Variants in LEPR observed in about 807,000 individuals in gnomAD.
The protein encoded by LEPR is OB receptor.
In LEPR, 56 loss-of-function variants were observed where a neutral mutation model predicts 114.7. That is an observed-to-expected ratio of 0.49 (90% CI 0.39 to 0.61). The LOEUF is 0.61. LEPR is among the 20% of genes least tolerant of loss of function. The pLI is 0.00. For synonymous variants in LEPR, 443 were observed against 461.4 expected, an observed-to-expected ratio of 0.96 and a Z score of 0.51; for missense variants, 1,202 against 1,352.9, an observed-to-expected ratio of 0.89 and a Z score of 1.75.
At chr1:65,421,109 G>A (rs568204028) in intron 1 of LEPR, among the ~76,000 whole-genome samples, 1 of 152,312 alleles carries the variant, frequency 6.6e-6, no homozygotes, top group African/African-American at 2.4e-5. Context: ...CCCCTCCGCA[G>A]TTTCCTATTT....
rs745548684 is a variant in LEPR, at chr1:65,636,570, C to A, written c.3053C>A (p.Ser1018Tyr). 1.9e-6 allele frequency: 3 copies of A among 1,614,066 alleles called. No individual in the cohort carries two copies. Among genetic ancestry groups the A allele is most frequent in the South Asian group, 2.2e-5 (2 of 91,076 alleles). ...SVTKCFSSKN[S>Y]PLKDSFSNSS... is the part of the protein sequence containing the mutation. Reference sequence around the variant, plus strand: ...ACCAAGTGCTTCTCTAGCAAAAATTCTCCGTTGAAGGATTCTTTCTCTAAT... The same window carrying A: ...ACCAAGTGCTTCTCTAGCAAAAATTATCCGTTGAAGGATTCTTTCTCTAAT... The change falls in exon 20 of 20, where the codon TCT becomes TAT. Residue 1018 changes from serine (S) to tyrosine (Y), a missense_variant. Physicochemically the swap from Ser to Tyr is moderately radical, Grantham distance 144. Coordinates refer to ENST00000349533, the MANE Select transcript of LEPR (RefSeq NM_002303.6).
chr1:65,564,842 A>G (rs1354650161), intron 2 of LEPR, among the ~76,000 whole-genome samples: 1 of 152,180 alleles, frequency 6.6e-6, no homozygotes, highest in Non-Finnish European at 1.5e-5. Flanking sequence ...CACATATATT[A>G]AAATTATACT....
At chr1:65,440,656 T>A (rs148644369) in intron 2 of LEPR, among the ~76,000 whole-genome samples, 202 of 152,210 alleles carry the variant, frequency 1.3e-3, no homozygotes, top group African/African-American at 4.6e-3. Context: ...AGCGTACCTG[T>A]GAGCTGGCAT....
At position 65,596,440 on chromosome 1, in the gene LEPR, T is replaced by G. The variant is rs183928195; in HGVS notation, c.704-8T>G. The G allele has an allele frequency of 6.2e-7, 1 of 1,612,350 alleles. No homozygotes were observed. The highest frequency in any genetic ancestry group is 1.7e-4 in the Middle Eastern group (1 of 6,038). ...TGACTTAAAAGTATTCTCTTTTTTTTCCTTAAGTGAAGCCTGATCCACCAT... is the reference window on the plus strand; with the variant it reads ...TGACTTAAAAGTATTCTCTTTTTTTGCCTTAAGTGAAGCCTGATCCACCAT... On this transcript the variant is annotated splice_region_variant and splice_polypyrimidine_tract_variant and intron_variant, in intron 6 of 19. Transcript: ENST00000349533.
chr1:65,424,674 A>C (rs1004633675), intron 1 of LEPR, among the ~76,000 whole-genome samples: 1 of 152,242 alleles, frequency 6.6e-6, no homozygotes, highest in African/African-American at 2.4e-5. Flanking sequence ...TGGGAAGTCC[A>C]AAATTGTGGT....
At chr1:65,421,792 A>G (rs1287280532) in intron 1 of LEPR, among the ~76,000 whole-genome samples, 1 of 152,240 alleles carries the variant, frequency 6.6e-6, no homozygotes, top group Non-Finnish European at 1.5e-5. Flanking sequence ...GTGTCTCAGT[A>G]CTACACATGA....
chr1:65,565,470 AT>A, intron 2 of LEPR, 75 bp from the exon 3 acceptor site: 1 of 1,418,268 alleles, frequency 7.1e-7, no homozygotes. Flanking sequence ...CTTTCCTTTT[AT>A]GTTTTCCACA....
chr1:65,604,446 G>A (rs1656670813), intron 10 of LEPR, among the ~76,000 whole-genome samples: 1 of 152,130 alleles, frequency 6.6e-6, no homozygotes, highest in Non-Finnish European at 1.5e-5. Flanking sequence ...CCCAGTTCAA[G>A]CGATTCTCCT....
At chr1:65,444,581 C>A (rs936327461) in intron 2 of LEPR, among the ~76,000 whole-genome samples, 1 of 35,116 alleles carries the variant, frequency 2.8e-5, no homozygotes, top group African/African-American at 1.3e-4. Flanking sequence ...AGGGTGGAGG[C>A]GGGCGGGGGG....
chr1:65,619,819 C>T (rs1657765823), intron 16 of LEPR, 109 bp from the exon 17 acceptor site: 1 of 899,258 alleles, frequency 1.1e-6, no homozygotes, highest in Non-Finnish European at 1.7e-6. Context: ...TAAGTAATTT[C>T]TATGTTTGGA....
At chr1:65,535,570 C>CA (rs1445753119) in intron 2 of LEPR, among the ~76,000 whole-genome samples, 1 of 151,868 alleles carries the variant, frequency 6.6e-6, no homozygotes, top group Non-Finnish European at 1.5e-5. Context: ...AGGGTGGTCT[C>CA]AAACTCCTGA....
chr1:65,567,234 A>T (rs1240889865), intron 3 of LEPR, among the ~76,000 whole-genome samples: 2 of 152,202 alleles, frequency 1.3e-5, no homozygotes, highest in South Asian at 4.1e-4. Flanking sequence ...CTGCATCAAT[A>T]GTTGCTATGT....
At chr1:65,545,737 T>G (rs917332354) in intron 2 of LEPR, among the ~76,000 whole-genome samples, 1 of 152,194 alleles carries the variant, frequency 6.6e-6, no homozygotes, top group South Asian at 2.1e-4. Flanking sequence ...TTTGTGAAAA[T>G]TTTCTCCCAT....
intron 14 of LEPR, among the ~76,000 whole-genome samples, chr1:65,611,868 A>G (rs1235536776): frequency 6.6e-6 from 1 of 152,174 alleles, no homozygotes; most frequent in East Asian, 1.9e-4. Context: ...ATTTTGATTA[A>G]TTTAAATTTA....
chr1:65,588,222 A>G (rs1286804520), intron 5 of LEPR, among the ~76,000 whole-genome samples: 2 of 152,030 alleles, frequency 1.3e-5, no homozygotes, highest in Non-Finnish European at 2.9e-5. Flanking sequence ...CTAGTAAGTA[A>G]GAAATAACAA....
At chr1:65,517,726 A>T (rs1649362995) in intron 2 of LEPR, among the ~76,000 whole-genome samples, 1 of 152,186 alleles carries the variant, frequency 6.6e-6, no homozygotes, top group Admixed American at 6.5e-5. Flanking sequence ...ATCAAATCCC[A>T]TCCTATGACA....
At chr1:65,475,617 T>C (rs1647149436) in intron 2 of LEPR, among the ~76,000 whole-genome samples, 3 of 152,146 alleles carry the variant, frequency 2.0e-5, no homozygotes, top group African/African-American at 7.2e-5. Context: ...TCAAAGGTGG[T>C]CTTTGGCTGC....
intron 7 of LEPR, 79 bp from the exon 8 acceptor site, chr1:65,598,581 T>G: frequency 6.3e-7 from 1 of 1,581,380 alleles, no homozygotes; most frequent in Non-Finnish European, 8.6e-7. Context: ...TGAAATTTGA[T>G]GAGATTAGCT....
rs1658796771 is a variant in LEPR, at chr1:65,639,006, G to A, written c.*1991G>A. ...TTGAAGGTACAGTACAGAAGAGATA[G>A]AAAAATAAATTTTGCCCCACTCTGA... On this transcript the variant is annotated 3_prime_UTR_variant, in exon 20 of 20. Coordinates refer to ENST00000349533, the MANE Select transcript of LEPR (RefSeq NM_002303.6). The A allele has an allele frequency of 6.6e-6, 1 of 152,128 alleles. No individual in the cohort carries two copies. The allele number at this position is 152,128 out of a possible 1,614,324, so 9.4% of individuals were successfully genotyped here.
Sources: gnomAD v4.1 joint callset for allele counts (sites outside exome capture counted in the v4.1 genomes callset) on GRCh38, gnomAD v4.1.1 for gene constraint, MANE v1.5 for transcripts, NCBI Gene and HGNC (gene_info 2026-07-23, HGNC 2026-07-21) for gene names.